Variants in PAQR8 observed in about 807,000 individuals in gnomAD.
PAQR8 encodes membrane progestin receptor beta.
A neutral mutation model predicts 25.2 loss-of-function variants in PAQR8; 17 were observed. The ratio of observed to expected loss-of-function variants is 0.67; its 90% CI spans 0.46 to 1.01. PAQR8 has a LOEUF of 1.01. Ranked by LOEUF, PAQR8 falls within the 50% of genes least tolerant of loss-of-function variation. The pLI, the probability that PAQR8 is intolerant of heterozygous loss-of-function variation, is 0.00. For synonymous variants in PAQR8, 204 were observed against 190.6 expected (o/e 1.07, Z -0.58); for missense variants, 392 against 448.4 (o/e 0.87, Z 1.14).
chr6:52,404,171 G>C lies in PAQR8; in HGVS notation c.958G>C (p.Val320Leu). 6.2e-7 allele frequency: 1 copy of C among 1,614,100 alleles called. No individual in the cohort carries two copies. The highest frequency in any genetic ancestry group is 8.5e-7 in the Non-Finnish European group (1 of 1,179,988). Residue 320 changes from valine (V) to leucine (L), a missense_variant, in exon 2 of 2, where the codon GTC becomes CTC. By Grantham distance (32) the Val-to-Leu change is conservative. Transcript: ENST00000442253. Reference protein sequence around the residue: ...IFLQRHGPLSVHMACLSFFFL... With the variant: ...IFLQRHGPLSLHMACLSFFFL... ...CCTGCAGCGCCATGGACCCCTATCT[G>C]TCCACATGGCCTGCCTCTCCTTCTT...
In PAQR8 at chr6:52,406,788, C is replaced by A. The variant is rs1380595714; in HGVS notation, c.*2510C>A. Reference sequence around the variant, plus strand: ...ACGTTGCTTAGGCTGGTCTTGAACTCCTGAACTCAAGTGATCCGCCCACCT... The same window carrying A: ...ACGTTGCTTAGGCTGGTCTTGAACTACTGAACTCAAGTGATCCGCCCACCT... On this transcript the variant is annotated 3_prime_UTR_variant, in exon 2 of 2. Coordinates refer to ENST00000442253, the MANE Select transcript of PAQR8 (RefSeq NM_133367.5). 2 of 372,348 alleles carry A rather than the reference C, an allele frequency of 5.4e-6. No homozygotes were observed. Among genetic ancestry groups the A allele is most frequent in the East Asian group, 8.1e-5 (2 of 24,560 alleles). The allele number at this position is 372,348 out of a possible 1,614,324, so 23.1% of individuals were successfully genotyped here. A position where few individuals can be genotyped will look rare whatever the true frequency, so the allele number is the denominator to read the frequency against.
rs1259663366 is a variant in PAQR8, at chr6:52,386,781, C to T, written c.-52-16381C>T. Among the ~76,000 whole-genome samples the T allele has an allele frequency of 2.0e-5, 3 of 152,292 alleles. No homozygotes were observed. The East Asian group carries it at 5.8e-4, about 29-fold the overall frequency. On this transcript the variant is annotated intron_variant, in intron 1 of 1. Coordinates refer to ENST00000442253, the MANE Select transcript of PAQR8 (RefSeq NM_133367.5). ...AAACCTCAGCATCATGCAATATACT[C>T]TTGTAACAAACCTGCACATATACCT...
At position 52,404,053 on chromosome 6, in the gene PAQR8, T is replaced by C. The variant is rs1323148678; in HGVS notation, c.840T>C (p.His280=). The change falls in exon 2 of 2, where the codon CAT becomes CAC. Residue 280 remains histidine, a synonymous_variant. Coordinates refer to ENST00000442253, the MANE Select transcript of PAQR8 (RefSeq NM_133367.5). ...YFPGSCDIVG[H]GHQIFHAFLS... ...CGGGTTCCTGTGACATCGTGGGCCA[T>C]GGGCATCAGATCTTCCATGCATTTC... 6.2e-7 allele frequency: 1 copy of C among 1,614,230 alleles called. No individual in the cohort carries two copies. Among genetic ancestry groups the C allele is most frequent in the Non-Finnish European group, 8.5e-7 (1 of 1,180,046 alleles).
chr6:52,367,728 G>T (rs1562426209), intron 1 of PAQR8, among the ~76,000 whole-genome samples: 1 of 152,210 alleles, frequency 6.6e-6, no homozygotes, highest in Non-Finnish European at 1.5e-5. Context: ...CCAGACTTGT[G>T]TAGAGGAAAG....
rs747152836 is a variant in PAQR8, at chr6:52,404,224, C to T, written c.1011C>T (p.Thr337=). 5.0e-6 allele frequency: 8 copies of T among 1,613,014 alleles called. No homozygotes were observed. Among genetic ancestry groups the T allele is most frequent in the South Asian group, 2.2e-5 (2 of 90,978 alleles). ...FFFLAACSAA[T]AALLRHKVKA... is the part of the protein sequence containing the mutation. ...TCCTGGCTGCCTGCAGTGCTGCCAC[C>T]GCAGCCCTTCTGAGGCACAAAGTCA... Residue 337 remains threonine (T), a synonymous_variant, in exon 2 of 2, where the codon ACC becomes ACT. Transcript: ENST00000442253.
At chr6:52,397,911 G>A (rs562816421) in intron 1 of PAQR8, among the ~76,000 whole-genome samples, 11 of 152,216 alleles carry the variant, frequency 7.2e-5, no homozygotes, top group Non-Finnish European at 1.5e-4. Context: ...CCTCCAAAAC[G>A]GGCTCAAATT....
Position 52,403,201 on chromosome 6 carries a change from G to A in PAQR8, c.-13G>A, listed in dbSNP as rs1763856970. ...CCTGAGGGCGCGGCACGGAGTGCAT[G>A]CGGGCCGCTGCCATGACGACCGCCA... is the stretch of plus-strand genomic sequence containing the variant. On this transcript the variant is annotated 5_prime_UTR_variant, in exon 2 of 2. It removes an upstream start codon present in the reference 5' UTR. Transcript: ENST00000442253. 1.3e-6 allele frequency: 2 copies of A among 1,586,500 alleles called. No individual in the cohort carries two copies. The highest frequency in any genetic ancestry group is 1.7e-6 in the Non-Finnish European group (2 of 1,162,140).
chr6:52,393,359 G>A (rs542981380), intron 1 of PAQR8, among the ~76,000 whole-genome samples: 3 of 124,048 alleles, frequency 2.4e-5, no homozygotes, highest in South Asian at 2.6e-4. Context: ...TTTTTGAGAC[G>A]GCGTCTTGCT....
intron 1 of PAQR8, among the ~76,000 whole-genome samples, chr6:52,373,360 A>G (rs1163930835): frequency 6.6e-6 from 1 of 152,206 alleles, no homozygotes; most frequent in Non-Finnish European, 1.5e-5. Flanking sequence ...AGAAAATACG[A>G]CTGTCATTGG....
intron 1 of PAQR8, among the ~76,000 whole-genome samples, chr6:52,377,471 C>T (rs548133489): frequency 6.6e-6 from 1 of 152,158 alleles, no homozygotes; most frequent in East Asian, 1.9e-4. Flanking sequence ...ATTGATGTAC[C>T]TTGTTGATAT....
intron 1 of PAQR8, among the ~76,000 whole-genome samples, chr6:52,384,662 C>G (rs1454568962): frequency 6.6e-6 from 1 of 152,158 alleles, no homozygotes; most frequent in East Asian, 1.9e-4. Context: ...AAAAAGAATA[C>G]TATTCTGAAA....
At chr6:52,365,521 C>T (rs747663444) in intron 1 of PAQR8, among the ~76,000 whole-genome samples, 1 of 151,840 alleles carries the variant, frequency 6.6e-6, no homozygotes, top group East Asian at 1.9e-4. Context: ...AGTTCGGTGC[C>T]GGACACATCA....
chr6:52,372,116 T>C (rs932360649), intron 1 of PAQR8, among the ~76,000 whole-genome samples: 7 of 152,180 alleles, frequency 4.6e-5, no homozygotes, highest in Admixed American at 4.6e-4. Flanking sequence ...TGAACATTTT[T>C]TCACTATTTT....
chr6:52,378,388 G>C (rs928341669), intron 1 of PAQR8, among the ~76,000 whole-genome samples: 1 of 152,244 alleles, frequency 6.6e-6, no homozygotes, highest in East Asian at 1.9e-4. Context: ...TCTTTTGGTA[G>C]TGTTCATTTG....
chr6:52,404,310 C>A lies in PAQR8; in HGVS notation c.*32C>A. The A allele has an allele frequency of 6.6e-7, 1 of 1,509,522 alleles. No individual in the cohort carries two copies. The highest frequency in any genetic ancestry group is 1.3e-5 in the South Asian group (1 of 79,444). 93.5% of individuals were successfully genotyped at this position (1,509,522 alleles called of 1,614,324 possible). A position where few individuals can be genotyped will look rare whatever the true frequency, so the allele number is the denominator to read the frequency against. ...CAAGTGGGGCAACGTGTGGAGGAAG[C>A]CCCTCATAATTTGGAGAAAACTTGA... On this transcript the variant is annotated 3_prime_UTR_variant, in exon 2 of 2. Transcript: ENST00000442253.
intron 1 of PAQR8, among the ~76,000 whole-genome samples, chr6:52,373,922 G>T (rs143506084): frequency 1.3e-5 from 2 of 152,270 alleles, no homozygotes; most frequent in Non-Finnish European, 2.9e-5. Flanking sequence ...TGGAAGTGGG[G>T]CATGGTGACT....
chr6:52,405,334 G>C lies in PAQR8; in HGVS notation c.*1056G>C, dbSNP rs1763895506. On this transcript the variant is annotated 3_prime_UTR_variant, in exon 2 of 2. Coordinates refer to ENST00000442253, the MANE Select transcript of PAQR8 (RefSeq NM_133367.5). Reference sequence around the variant, plus strand: ...ACGAAGGACCCACAAAACTAACCTAGTTCAGGGTTCTCAGGCAGGCAGTTC... The same window carrying C: ...ACGAAGGACCCACAAAACTAACCTACTTCAGGGTTCTCAGGCAGGCAGTTC... 1 of 167,126 alleles carries C rather than the reference G, an allele frequency of 6.0e-6. No homozygotes were observed. The highest frequency in any genetic ancestry group is 6.5e-5 in the Admixed American group (1 of 15,282). The allele number at this position is 167,126 out of a possible 1,614,324, so 10.4% of individuals were successfully genotyped here. A position where few individuals can be genotyped will look rare whatever the true frequency, so the allele number is the denominator to read the frequency against.
intron 1 of PAQR8, among the ~76,000 whole-genome samples, chr6:52,382,931 A>G (rs1448041113): frequency 1.3e-5 from 2 of 152,188 alleles, no homozygotes; most frequent in Non-Finnish European, 2.9e-5. Flanking sequence ...ACAGGCACAT[A>G]CTACCATGCT....
chr6:52,379,872 C>G (rs1763538128), intron 1 of PAQR8, among the ~76,000 whole-genome samples: 1 of 152,118 alleles, frequency 6.6e-6, no homozygotes, highest in Non-Finnish European at 1.5e-5. Flanking sequence ...CGTGATCCGC[C>G]TGTCTCGGCC....
Sources: allele counts gnomAD v4.1 joint callset (sites outside exome capture counted in the v4.1 genomes callset), GRCh38; gene constraint gnomAD v4.1.1; transcripts MANE v1.5; gene names NCBI Gene and HGNC (gene_info 2026-07-23, HGNC 2026-07-21).